Variants in DEPDC5 observed in about 807,000 individuals in gnomAD.
DEPDC5 encodes the protein GATOR1 complex protein DEPDC5.
A neutral mutation model predicts 217.3 loss-of-function variants in DEPDC5; 73 were observed. That is an observed-to-expected ratio of 0.34 (90% CI 0.28 to 0.41). The LOEUF (loss-of-function observed/expected upper bound fraction) is 0.41, where lower values mean the gene tolerates loss of function less well. Ranked by LOEUF, DEPDC5 falls within the 10% of genes least tolerant of loss-of-function variation. The pLI is 1.00. For missense variants in DEPDC5, 1,675 were observed against 2,070.1 expected (o/e 0.81, Z 3.70); for synonymous variants, 733 against 756.7 (o/e 0.97, Z 0.51).
At chr22:31,846,425 C>T (rs771692281) in intron 30 of DEPDC5, among the ~76,000 whole-genome samples, 10 of 152,160 alleles carry the variant, frequency 6.6e-5, no homozygotes, top group Non-Finnish European at 1.2e-4. Flanking sequence ...ACATCACTTA[C>T]GATTAGAAAC....
chr22:31,758,440 A>G, intron 2 of DEPDC5, 106 bp from the exon 3 acceptor site: 1 of 936,486 alleles, frequency 1.1e-6, no homozygotes, highest in Non-Finnish European at 1.7e-6. Context: ...TCATCTGTCA[A>G]TGGGGTGGCA....
At chr22:31,889,527 A>G (rs554289913) in intron 38 of DEPDC5, among the ~76,000 whole-genome samples, 1 of 150,922 alleles carries the variant, frequency 6.6e-6, no homozygotes, top group South Asian at 2.1e-4. Context: ...GTCCAAGACC[A>G]GAGGGCAAAA....
intron 21 of DEPDC5, among the ~76,000 whole-genome samples, chr22:31,818,316 C>T (rs903627861): frequency 5.3e-5 from 8 of 152,048 alleles, no homozygotes; most frequent in Non-Finnish European, 8.8e-5. Context: ...TTACTCATGT[C>T]CCAGCCCACT....
intron 7 of DEPDC5, among the ~76,000 whole-genome samples, chr22:31,770,547 AT>A (rs34409975): frequency 0.15 from 20,640 of 133,370 alleles, 1,411 homozygotes; most frequent in African/African-American, 0.2. Context: ...CACGTAGCTA[AT>A]TTTTTTTTTT....
intron 20 of DEPDC5, among the ~76,000 whole-genome samples, chr22:31,812,379 T>A (rs900318802): frequency 1.3e-5 from 2 of 152,014 alleles, no homozygotes; most frequent in Non-Finnish European, 2.9e-5. Context: ...TTATATTTTT[T>A]TCCCTGTGTA....
chr22:31,808,647 G>A (rs1340095038), intron 18 of DEPDC5, among the ~76,000 whole-genome samples: 1 of 151,760 alleles, frequency 6.6e-6, no homozygotes, highest in Non-Finnish European at 1.5e-5. Flanking sequence ...TGTTGGCCAG[G>A]CTGGTCTTGA....
At chr22:31,792,717 A>C (rs753295161) in intron 11 of DEPDC5, 28 bp from the exon 12 acceptor site, 1 of 1,526,574 alleles carries the variant, frequency 6.6e-7, no homozygotes. Context: ...CTCAGCCTGA[A>C]CTACATACTC....
chr22:31,787,300 G>C (rs1182691533), intron 10 of DEPDC5, among the ~76,000 whole-genome samples: 1 of 151,972 alleles, frequency 6.6e-6, no homozygotes, highest in African/African-American at 2.4e-5. Flanking sequence ...GCCCAGGCTG[G>C]TCTCAAACCC....
intron 3 of DEPDC5, among the ~76,000 whole-genome samples, chr22:31,759,106 AT>A (rs2082167551): frequency 1.3e-5 from 2 of 151,556 alleles, no homozygotes; most frequent in African/African-American, 2.4e-5. Flanking sequence ...CTAATTTTGC[AT>A]TTTTGGTAGA....
At chr22:31,838,664 G>A (rs1487949135) in intron 26 of DEPDC5, 21 bp from the exon 27 acceptor site, 2 of 1,612,620 alleles carry the variant, frequency 1.2e-6, no homozygotes, top group Non-Finnish European at 8.5e-7. Flanking sequence ...ATCTGTATGA[G>A]CAATCATCTG....
At chr22:31,821,361 G>T (rs2089679780) in intron 22 of DEPDC5, 141 bp from the exon 23 acceptor site, 5 of 1,150,824 alleles carry the variant, frequency 4.3e-6, no homozygotes, top group African/African-American at 1.6e-5. Flanking sequence ...TGTCCTTTGG[G>T]AGCCACCCTC....
Position 31,906,759 on chromosome 22 carries a change from G to A in DEPDC5, c.*262G>A. The A allele has an allele frequency of 1.8e-6, 1 of 553,374 alleles. No homozygotes were observed. The highest frequency in any genetic ancestry group is 2.3e-5 in the South Asian group (1 of 43,458). The allele number at this position is 553,374 out of a possible 1,614,324, so 34.3% of individuals were successfully genotyped here. On this transcript the variant is annotated 3_prime_UTR_variant, in exon 43 of 43. Transcript: ENST00000651528. This position sits in a 1 kb window ranked among gnomAD's most constrained non-coding sequence, Gnocchi z 5.1. Reference sequence around the variant, plus strand: ...AGCAAGTGCTCAGAGCAGGTGGGAGGCACAGATTGTCCGTGGGAGGGCTCC... The same window carrying A: ...AGCAAGTGCTCAGAGCAGGTGGGAGACACAGATTGTCCGTGGGAGGGCTCC...
chr22:31,854,946 T>G (rs2092213290), intron 31 of DEPDC5, among the ~76,000 whole-genome samples: 1 of 151,746 alleles, frequency 6.6e-6, no homozygotes, highest in South Asian at 2.1e-4. Flanking sequence ...AGGACTTAAT[T>G]GAGTCTTGCT....
Position 31,804,822 on chromosome 22 carries a change from T to C in DEPDC5, c.1144-20T>C, listed in dbSNP as rs752764854. The C allele has an allele frequency of 6.2e-7, 1 of 1,611,420 alleles. No individual in the cohort carries two copies. The highest frequency in any genetic ancestry group is 8.5e-7 in the Non-Finnish European group (1 of 1,177,920). On this transcript the variant is annotated intron_variant, in intron 16 of 42. Coordinates refer to ENST00000651528, the MANE Select transcript of DEPDC5 (RefSeq NM_001242896.3). ...TACTTGTTCTGTAGCTTATCTGTGC[T>C]CTCATTTTTCTCCTTGCAGCTCCAT...
At position 31,843,624 on chromosome 22, in the gene DEPDC5, G is replaced by A. The variant is rs200999618; in HGVS notation, c.2634-21G>A. The A allele has an allele frequency of 1.2e-4, 189 of 1,584,508 alleles. 2 individuals are homozygous for A. In the East Asian group the frequency reaches 4.0e-3, roughly 34 times the overall value. On this transcript the variant is annotated intron_variant, in intron 28 of 42. Transcript: ENST00000651528. ...TGTCTCTAACTCTTTTGAATTTGGG[G>A]ACCTGCCCTTTATTTTGCAGGTATC...
intron 21 of DEPDC5, chr22:31,817,525 G>T: frequency 4.7e-6 from 2 of 427,792 alleles, no homozygotes; most frequent in South Asian, 3.7e-5. Flanking sequence ...TTCTCACTCT[G>T]TTGCCCAGGC....
intron 38 of DEPDC5, among the ~76,000 whole-genome samples, chr22:31,887,687 C>T (rs1053056301): frequency 7.9e-5 from 12 of 152,070 alleles, no homozygotes; most frequent in Admixed American, 3.3e-4. Flanking sequence ...CTTGCCCATC[C>T]GTCTTCCCAA....
intron 24 of DEPDC5, among the ~76,000 whole-genome samples, chr22:31,826,976 C>T (rs2090202974): frequency 6.6e-6 from 1 of 151,508 alleles, no homozygotes; most frequent in South Asian, 2.1e-4. Context: ...TCACTGCAGC[C>T]TCAACCTTTT....
rs536398797 is a variant in DEPDC5, at chr22:31,788,922, G to T, written c.625-3111G>T. Among the ~76,000 whole-genome samples, 4 of 151,990 alleles carry T rather than the reference G, an allele frequency of 2.6e-5. No individual in the cohort carries two copies. In the East Asian group the frequency reaches 7.7e-4, roughly 29 times the overall value. The stretch of plus-strand genomic sequence containing the variant: ...TTTATGTATTTTTAGAGACAGTCTC[G>T]CTCTGTCGCCCAGACTGGAGTGCAG... On this transcript the variant is annotated intron_variant, in intron 10 of 42. Transcript: ENST00000651528.
Sources: allele counts gnomAD v4.1 joint callset (sites outside exome capture counted in the v4.1 genomes callset), GRCh38; gene constraint gnomAD v4.1.1; non-coding constraint Gnocchi (gnomAD v3.1); transcripts MANE v1.5; gene names NCBI Gene and HGNC (gene_info 2026-07-23, HGNC 2026-07-21).